The following POU2F3 variants were observed in gnomAD, a reference collection of about 807,000 sequenced individuals.
POU2F3 encodes the protein POU domain, class 2, transcription factor 3.
In POU2F3, 23 loss-of-function variants were observed where a neutral mutation model predicts 59.2. The ratio of observed to expected loss-of-function variants is 0.39; its 90% CI spans 0.28 to 0.55. The LOEUF (loss-of-function observed/expected upper bound fraction) is 0.55. Among genes scored for constraint, POU2F3 ranks in the 20% least tolerant of loss-of-function variants. The probability of loss-of-function intolerance (pLI) is 0.66; values close to 1 mark genes in which losing one functional copy is unlikely to be tolerated. For missense variants in POU2F3, 473 were observed against 544.5 expected (o/e 0.87, Z 1.31); for synonymous variants, 190 against 214.6 (o/e 0.89, Z 1.00).
chr11:120,305,675 A>G lies in POU2F3; in HGVS notation c.659A>G (p.Tyr220Cys). The change falls in exon 8 of 13, where the codon TAT becomes TGT. Residue 220 changes from tyrosine to cysteine, a missense_variant. Transcript: ENST00000543440. ...GTGGGGCTGGCGATGGGAAAGCTGT[A>G]TGGCAACGACTTCAGCCAGACCACC... ...GDVGLAMGKLYGNDFSQTTIS... is the reference protein window; with the variant it reads ...GDVGLAMGKLCGNDFSQTTIS... 6.2e-7 allele frequency: 1 copy of G among 1,614,012 alleles called. No individual in the cohort carries two copies. The highest frequency in any genetic ancestry group is 8.5e-7 in the Non-Finnish European group (1 of 1,180,028).
Position 120,317,212 on chromosome 11 carries a change from C to G in POU2F3, c.1136-17C>G. 6.2e-7 allele frequency: 1 copy of G among 1,613,336 alleles called. No homozygotes were observed. The highest frequency in any genetic ancestry group is 8.5e-7 in the Non-Finnish European group (1 of 1,179,588). On this transcript the variant is annotated splice_polypyrimidine_tract_variant and intron_variant, in intron 11 of 12. Transcript: ENST00000543440. ...CAGCATTATTTCCCCCTTGTTTTTG[C>G]CTCTCCTTATCCTCAGTAACGTCAT...
At chr11:120,295,818 C>T (rs1165536159) in intron 3 of POU2F3, among the ~76,000 whole-genome samples, 2 of 152,164 alleles carry the variant, frequency 1.3e-5, no homozygotes, top group Admixed American at 6.5e-5. Flanking sequence ...TCTCTACCCC[C>T]ACAGTGCTAT....
intron 11 of POU2F3, 74 bp downstream of exon 11, chr11:120,315,501 T>G (rs542830390): frequency 7.2e-7 from 1 of 1,396,446 alleles, no homozygotes. Flanking sequence ...CTGAAAGGTA[T>G]CTACCTAAGT....
intron 3 of POU2F3, among the ~76,000 whole-genome samples, chr11:120,287,643 G>C (rs11217790): frequency 0.025 from 3,739 of 152,240 alleles, 150 homozygotes; most frequent in African/African-American, 0.085. Flanking sequence ...CCTAGCCTTA[G>C]AGAATTTATC....
chr11:120,237,436 C>A (rs1300816876), upstream of POU2F3, among the ~76,000 whole-genome samples: 4 of 152,114 alleles, frequency 2.6e-5, no homozygotes, highest in Non-Finnish European at 5.9e-5. Context: ...CCTCAGCTTC[C>A]ACCCCAATCC....
chr11:120,299,501 A>C lies in POU2F3; in HGVS notation c.259-123A>C. The C allele has an allele frequency of 4.0e-6, 3 of 749,142 alleles. No individual in the cohort carries two copies. The South Asian group carries it at 5.5e-5, about 14-fold the overall frequency. 46.4% of individuals were successfully genotyped at this position (749,142 alleles called of 1,614,324 possible). ...ACACTGGGGATACACAGTGGCATAA[A>C]CCAAGGTCAGCCTGCAAAGTCTCTG... On this transcript the variant is annotated intron_variant, in intron 4 of 12. Transcript: ENST00000543440.
intron 2 of POU2F3, among the ~76,000 whole-genome samples, chr11:120,266,419 G>A (rs139138556): frequency 6.6e-6 from 1 of 152,098 alleles, no homozygotes; most frequent in Non-Finnish European, 1.5e-5. Flanking sequence ...AGGTGTAAAG[G>A]CTTAAGTCAG....
intron 6 of POU2F3, chr11:120,304,438 T>A (rs1941428664): frequency 6.6e-6 from 1 of 152,164 alleles, no homozygotes; most frequent in Non-Finnish European, 1.5e-5. Flanking sequence ...AAAATACCTT[T>A]GATTAAAAAC....
At chr11:120,283,532 G>T (rs896669527) in intron 3 of POU2F3, among the ~76,000 whole-genome samples, 6 of 152,068 alleles carry the variant, frequency 3.9e-5, no homozygotes, top group Non-Finnish European at 1.5e-5. Flanking sequence ...GTACCACCTG[G>T]GAAGCAACGA....
chr11:120,254,344 G>T (rs577640497), intron 2 of POU2F3, among the ~76,000 whole-genome samples: 108 of 152,334 alleles, frequency 7.1e-4, no homozygotes, highest in Admixed American at 1.6e-3. Flanking sequence ...AGACCCCAGA[G>T]TTGGGGGTGC....
At chr11:120,266,147 T>A (rs1248162463) in intron 2 of POU2F3, among the ~76,000 whole-genome samples, 2 of 152,162 alleles carry the variant, frequency 1.3e-5, no homozygotes, top group Non-Finnish European at 2.9e-5. Flanking sequence ...CTTGAGTTCT[T>A]CCCCAAGTCA....
chr11:120,246,371 T>C (rs2135127540), intron 1 of POU2F3, 78 bp from the exon 2 acceptor site: 1 of 1,373,122 alleles, frequency 7.3e-7, no homozygotes, highest in Non-Finnish European at 1.0e-6. Context: ...TTCATCTTTG[T>C]TATTTAGTTA....
chr11:120,317,491 G>A, intron 12 of POU2F3, 127 bp downstream of exon 12: 1 of 1,335,522 alleles, frequency 7.5e-7, no homozygotes, highest in South Asian at 1.3e-5. Flanking sequence ...GGGTGGCACA[G>A]AGAGGACAGA....
chr11:120,273,271 G>A (rs1280825194), intron 3 of POU2F3, among the ~76,000 whole-genome samples: 2 of 152,226 alleles, frequency 1.3e-5, no homozygotes, highest in Admixed American at 6.5e-5. Context: ...CCATTCTTAA[G>A]TGCTGGATAG....
At chr11:120,241,858 G>A (rs578186669) in intron 1 of POU2F3, among the ~76,000 whole-genome samples, 31 of 152,094 alleles carry the variant, frequency 2.0e-4, no homozygotes, top group Non-Finnish European at 3.4e-4. Flanking sequence ...GGCCTCAGAG[G>A]ATATAGCAGA....
At chr11:120,311,255 T>C (rs1388129289) in intron 10 of POU2F3, among the ~76,000 whole-genome samples, 1 of 152,186 alleles carries the variant, frequency 6.6e-6, no homozygotes, top group African/African-American at 2.4e-5. Flanking sequence ...GATATTGGCA[T>C]GATAATTTTC....
intron 10 of POU2F3, among the ~76,000 whole-genome samples, chr11:120,310,774 G>A (rs1941630663): frequency 6.6e-6 from 1 of 152,214 alleles, no homozygotes; most frequent in Non-Finnish European, 1.5e-5. Context: ...TCACCAACCA[G>A]CTACCGACTA....
rs779382954 is a variant in POU2F3 at position 120,240,309 on chromosome 11, G to T, written c.-35G>T. On this transcript the variant is annotated 5_prime_UTR_variant, in exon 1 of 13. Transcript: ENST00000543440. ...CGGCTGGGGCAGAGGCGAGGGGCCT[G>T]GGGGGGCGCTGGCTTTGGCCCCGCC... 3 of 1,357,692 alleles carry T rather than the reference G, an allele frequency of 2.2e-6. No homozygotes were observed. The highest frequency in any genetic ancestry group is 2.2e-5 in the South Asian group (1 of 46,004). 84.1% of individuals were successfully genotyped at this position (1,357,692 alleles called of 1,614,324 possible). A position where few individuals can be genotyped will look rare whatever the true frequency, so the allele number is the denominator to read the frequency against.
chr11:120,316,208 T>C (rs548494742), intron 11 of POU2F3, among the ~76,000 whole-genome samples: 1 of 152,272 alleles, frequency 6.6e-6, no homozygotes, highest in South Asian at 2.1e-4. Flanking sequence ...GGGTCTTAGT[T>C]TGGATGGTAA....
Sources: gnomAD v4.1 joint callset for allele counts (sites outside exome capture counted in the v4.1 genomes callset) on GRCh38, gnomAD v4.1.1 for gene constraint, MANE v1.5 for transcripts, NCBI Gene and HGNC (gene_info 2026-07-23, HGNC 2026-07-21) for gene names.